OPCML: variants seen among roughly 807,000 people sequenced by gnomAD.
The protein encoded by OPCML is opioid binding protein/cell adhesion molecule like, also known as opioid-binding protein/cell adhesion molecule.
A neutral mutation model predicts 37.8 loss-of-function variants in OPCML; 13 were observed. The observed-to-expected ratio is 0.34, with a 90% CI of 0.22 to 0.55. The LOEUF is 0.55. Ranked by LOEUF, OPCML falls within the 20% of genes least tolerant of loss-of-function variation. The pLI is 0.91. For missense variants in OPCML, 341 were observed against 435.6 expected (o/e 0.78, Z 1.93); for synonymous variants, 176 against 168.8 (o/e 1.04, Z -0.33).
At chr11:132,492,793 T>C (rs149635315) in intron 4 of OPCML, among the ~76,000 whole-genome samples, 150 of 152,306 alleles carry the variant, frequency 9.8e-4, no homozygotes, top group African/African-American at 3.4e-3. Flanking sequence ...TGTTTTGTGT[T>C]GTCCTATGTG....
At chr11:133,455,504 A>G (rs960462694) in intron 1 of OPCML, among the ~76,000 whole-genome samples, 22 of 152,192 alleles carry the variant, frequency 1.4e-4, no homozygotes, top group African/African-American at 4.8e-4. Flanking sequence ...AAGGGGTGTC[A>G]CAAACCCCAT....
At chr11:133,531,519 A>C (rs927049344) in intron 1 of OPCML, among the ~76,000 whole-genome samples, 1 of 152,126 alleles carries the variant, frequency 6.6e-6, no homozygotes, top group African/African-American at 2.4e-5. Flanking sequence ...CAGGAAGGAG[A>C]TACTGAGAGG....
chr11:133,289,366 C>T (rs560881854), intron 1 of OPCML, among the ~76,000 whole-genome samples: 5 of 151,982 alleles, frequency 3.3e-5, no homozygotes, highest in Admixed American at 1.3e-4. Context: ...GAGGCCGAGG[C>T]GGGCGGATCA....
intron 1 of OPCML, among the ~76,000 whole-genome samples, chr11:133,144,430 G>T (rs1949869452): frequency 6.6e-6 from 1 of 152,338 alleles, no homozygotes; most frequent in Non-Finnish European, 1.5e-5. Context: ...CAGGCAGCTG[G>T]CGTATCCATT....
chr11:132,618,572 A>G (rs1939179483), intron 3 of OPCML, among the ~76,000 whole-genome samples: 1 of 152,188 alleles, frequency 6.6e-6, no homozygotes, highest in South Asian at 2.1e-4. Flanking sequence ...CTAGTTCAGA[A>G]TATCATTGTG....
In OPCML at chr11:132,521,764, G is replaced by C. The variant is rs565353323; in HGVS notation, c.505+7297C>G. ...CATCCTGCACATTCCAGAACTTAAA[G>C]TAAATTAAAATTAAAATTAAAAATT... On this transcript the variant is annotated intron_variant, in intron 4 of 7. Transcript: ENST00000524381. 2.6e-5 allele frequency among the ~76,000 whole-genome samples: 4 copies of C among 152,072 alleles called. No individual in the cohort carries two copies. In the South Asian group the frequency reaches 6.2e-4, roughly 24 times the overall value.
intron 1 of OPCML, among the ~76,000 whole-genome samples, chr11:133,387,643 T>C (rs1371639096): frequency 6.6e-6 from 1 of 152,238 alleles, no homozygotes; most frequent in Admixed American, 6.5e-5. Context: ...TCAATAAATA[T>C]GTATTCAGTG....
At chr11:133,261,218 A>G (rs1466032072) in intron 1 of OPCML, among the ~76,000 whole-genome samples, 1 of 152,232 alleles carries the variant, frequency 6.6e-6, no homozygotes, top group Non-Finnish European at 1.5e-5. Context: ...ACTACGTCAC[A>G]TCCAAATATG....
At chr11:133,223,626 T>G (rs1443245166) in intron 1 of OPCML, among the ~76,000 whole-genome samples, 1 of 152,156 alleles carries the variant, frequency 6.6e-6, no homozygotes, top group African/African-American at 2.4e-5. Context: ...AAAGATTTTG[T>G]TTTGTGTTTC....
At chr11:132,851,204 C>T (rs1941795627) in intron 2 of OPCML, among the ~76,000 whole-genome samples, 1 of 152,204 alleles carries the variant, frequency 6.6e-6, no homozygotes, top group African/African-American at 2.4e-5. Flanking sequence ...ATATCCTTTT[C>T]ACTCAACATT....
intron 1 of OPCML, among the ~76,000 whole-genome samples, chr11:133,473,153 C>A (rs1299281513): frequency 6.6e-6 from 1 of 152,088 alleles, no homozygotes; most frequent in Non-Finnish European, 1.5e-5. Flanking sequence ...TAGACTACTT[C>A]TGGAACTTGA....
intron 1 of OPCML, among the ~76,000 whole-genome samples, chr11:133,123,350 G>C (rs1292431759): frequency 6.6e-6 from 1 of 152,162 alleles, no homozygotes; most frequent in Admixed American, 6.5e-5. Context: ...TCTCATGCTA[G>C]GGACCATATT....
intron 1 of OPCML, among the ~76,000 whole-genome samples, chr11:133,139,537 G>T (rs1035712976): frequency 6.6e-6 from 1 of 152,142 alleles, no homozygotes; most frequent in African/African-American, 2.4e-5. Context: ...TACATTTATT[G>T]AATATTTAGA....
At chr11:132,995,598 T>C (rs1298977632) in intron 1 of OPCML, among the ~76,000 whole-genome samples, 5 of 152,048 alleles carry the variant, frequency 3.3e-5, no homozygotes, top group Non-Finnish European at 2.9e-5. Flanking sequence ...TTAGATTATT[T>C]AAATAAATGC....
chr11:133,125,209 T>G (rs888521247), intron 1 of OPCML, among the ~76,000 whole-genome samples: 5 of 152,176 alleles, frequency 3.3e-5, no homozygotes, highest in African/African-American at 1.2e-4. Context: ...AGGAGGTCAC[T>G]TTATTATATA....
intron 1 of OPCML, among the ~76,000 whole-genome samples, chr11:133,460,722 C>A (rs909313708): frequency 2.0e-5 from 3 of 151,784 alleles, no homozygotes; most frequent in East Asian, 1.9e-4. Context: ...AAATAAAAAA[C>A]TAGGAACAGA....
At chr11:133,400,791 G>A (rs1038189123) in intron 1 of OPCML, among the ~76,000 whole-genome samples, 16 of 152,144 alleles carry the variant, frequency 1.1e-4, no homozygotes, top group Non-Finnish European at 2.1e-4. Context: ...CTAGCTCAGG[G>A]TACCTGGTTT....
chr11:133,361,133 C>A (rs896962762), intron 1 of OPCML: 1 of 152,340 alleles, frequency 6.6e-6, no homozygotes, highest in African/African-American at 2.4e-5. Flanking sequence ...CCTTCGGCCT[C>A]CCACCGCTTG....
intron 2 of OPCML, among the ~76,000 whole-genome samples, chr11:132,886,745 G>A (rs759269909): frequency 3.3e-5 from 5 of 152,212 alleles, no homozygotes; most frequent in African/African-American, 9.6e-5. Context: ...GTAGAAGACC[G>A]AAGAGTGTAT....
Sources: gnomAD v4.1 joint callset for allele counts (sites outside exome capture counted in the v4.1 genomes callset) on GRCh38, gnomAD v4.1.1 for gene constraint, MANE v1.5 for transcripts, NCBI Gene and HGNC (gene_info 2026-07-23, HGNC 2026-07-21) for gene names.